CHD7: variants seen among roughly 807,000 people sequenced by gnomAD.
The protein encoded by CHD7 is ATP-dependent chromatin remodeler CHD7.
CHD7 carries 24 observed loss-of-function variants against 307.3 expected under a neutral mutation model. The observed-to-expected ratio is 0.08, with a 90% CI of 0.06 to 0.11. CHD7 has a LOEUF of 0.11. Ranked by LOEUF, CHD7 falls within the 10% of genes least tolerant of loss-of-function variation. The pLI is 1.00. For missense variants in CHD7, 3,106 were observed against 3,727.1 expected (o/e 0.83, Z 4.34); for synonymous variants, 1,363 against 1,349.9 (o/e 1.01, Z -0.21).
At position 60,781,338 on chromosome 8, in the gene CHD7, C is replaced by T; in HGVS notation, c.2004C>T (p.Pro668=). The T allele has an allele frequency of 6.4e-7, 1 of 1,570,946 alleles. No individual in the cohort carries two copies. The highest frequency in any genetic ancestry group is 1.2e-5 in the South Asian group (1 of 83,722). ...EPKEKKEPKE[P]KTPKAPKIPK... is the part of the protein sequence containing the mutation. Reference sequence around the variant, plus strand: ...AGGAGAAAAAAGAGCCCAAGGAACCCAAGACCCCGAAAGCCCCTAAGATTC... The same window carrying T: ...AGGAGAAAAAAGAGCCCAAGGAACCTAAGACCCCGAAAGCCCCTAAGATTC... Residue 668 remains proline, a synonymous_variant, in exon 3 of 38, where the codon CCC becomes CCT. Coordinates refer to ENST00000423902, the MANE Select transcript of CHD7 (RefSeq NM_017780.4).
Position 60,781,103 on chromosome 8 carries a change from T to C in CHD7, c.1769T>C (p.Ile590Thr), listed in dbSNP as rs568525349. The C allele has an allele frequency of 3.7e-6, 6 of 1,610,702 alleles. No homozygotes were observed. The African/African-American group carries it at 4.0e-5, about 11-fold the overall frequency. ...AAGAGTGATGATTACCTGCCATCAA[T>C]AGAACAGCAGCCACAACAAAAGAAG... is the stretch of plus-strand genomic sequence containing the variant. ...LVKSDDYLPS[I>T]EQQPQQKKKK... is the part of the protein sequence containing the mutation. The change falls in exon 3 of 38, where the codon ATA becomes ACA. Residue 590 changes from isoleucine (I) to threonine (T), a missense_variant. By Grantham distance (89) the Ile-to-Thr change is moderately conservative. Transcript: ENST00000423902.
intron 15 of CHD7, among the ~76,000 whole-genome samples, chr8:60,835,288 C>T (rs548356458): frequency 2.0e-5 from 3 of 152,308 alleles, no homozygotes; most frequent in African/African-American, 7.2e-5. Context: ...TTCTTGAGGC[C>T]TCTTTCCAAT....
intron 1 of CHD7, among the ~76,000 whole-genome samples, chr8:60,714,913 G>T (rs918642115): frequency 6.6e-6 from 1 of 152,246 alleles, no homozygotes; most frequent in African/African-American, 2.4e-5. Context: ...CTGAATGAAT[G>T]AATGAATGCG....
Position 60,865,813 on chromosome 8 carries a change from C to G in CHD7, c.8874C>G (p.Ala2958=). The G allele has an allele frequency of 3.1e-6, 5 of 1,613,868 alleles. No individual in the cohort carries two copies. The highest frequency in any genetic ancestry group is 4.2e-6 in the Non-Finnish European group (5 of 1,179,846). Residue 2958 remains alanine (A), a synonymous_variant, in exon 38 of 38, where the codon GCC becomes GCG. Transcript: ENST00000423902. The surrounding 1 kb of genome is among the most constrained non-coding windows in gnomAD (Gnocchi z 4.3). Reference sequence around the variant, plus strand: ...GAGAGACCCTTGAAGGCAGCGATGCCGAGGAGAGCCTGGATAAGACTGCAG... The same window carrying G: ...GAGAGACCCTTGAAGGCAGCGATGCGGAGGAGAGCCTGGATAAGACTGCAG... ...KDGETLEGSD[A]EESLDKTAES...
At chr8:60,701,101 T>G (rs952735256) in intron 1 of CHD7, among the ~76,000 whole-genome samples, 2 of 152,246 alleles carry the variant, frequency 1.3e-5, no homozygotes, top group Non-Finnish European at 2.9e-5. Flanking sequence ...AGCAACAATC[T>G]GACCAACTCA....
chr8:60,839,559 A>G (rs1472442312), intron 19 of CHD7, among the ~76,000 whole-genome samples: 1 of 152,232 alleles, frequency 6.6e-6, no homozygotes, highest in Non-Finnish European at 1.5e-5. Context: ...AGTAAGAAGT[A>G]TAGATGAGGA....
rs568849751 is a variant in CHD7 at position 60,696,346 on chromosome 8, A to G, written c.-175+17264A>G. Among the ~76,000 whole-genome samples, 6 of 152,324 alleles carry G rather than the reference A, an allele frequency of 3.9e-5. No individual in the cohort carries two copies. The South Asian group carries it at 1.2e-3, about 32-fold the overall frequency. On this transcript the variant is annotated intron_variant, in intron 1 of 37. Coordinates refer to ENST00000423902, the MANE Select transcript of CHD7 (RefSeq NM_017780.4). The stretch of plus-strand genomic sequence containing the variant: ...ATTAAAAGCTACAATTCCACAGTTA[A>G]ACAGATGTGGTTTGAATCTGCCTGA...
intron 27 of CHD7, 75 bp from the exon 28 acceptor site, chr8:60,851,187 T>G: frequency 6.7e-7 from 1 of 1,483,154 alleles, no homozygotes; most frequent in Non-Finnish European, 9.2e-7. Context: ...TTATAGATAA[T>G]GACCTTTTCT....
intron 6 of CHD7, among the ~76,000 whole-genome samples, chr8:60,806,194 C>G (rs1387631180): frequency 1.3e-5 from 2 of 152,094 alleles, no homozygotes; most frequent in African/African-American, 4.8e-5. Context: ...AACCCCGTCT[C>G]TACTAAAAAT....
At chr8:60,743,313 C>CT (rs1809152736) in intron 2 of CHD7, among the ~76,000 whole-genome samples, 1 of 152,224 alleles carries the variant, frequency 6.6e-6, no homozygotes, top group South Asian at 2.1e-4. Context: ...ATAACTAAGA[C>CT]TGGGTCCCTG....
chr8:60,683,880 C>T (rs1391922554), intron 1 of CHD7, among the ~76,000 whole-genome samples: 1 of 150,734 alleles, frequency 6.6e-6, no homozygotes, highest in East Asian at 2.0e-4. Context: ...TGTTCCTAAA[C>T]CAACAATAAT....
intron 1 of CHD7, among the ~76,000 whole-genome samples, chr8:60,684,828 CAG>C (rs902052624): frequency 6.6e-6 from 1 of 152,186 alleles, no homozygotes; most frequent in African/African-American, 2.4e-5. Context: ...TTGGTGGGTG[CAG>C]AGAGGACAAT....
intron 2 of CHD7, among the ~76,000 whole-genome samples, chr8:60,757,201 G>C (rs1277580861): frequency 6.6e-6 from 1 of 152,158 alleles, no homozygotes; most frequent in African/African-American, 2.4e-5. Context: ...CTTCTTTTTG[G>C]TGTCCAGTAT....
intron 1 of CHD7, among the ~76,000 whole-genome samples, chr8:60,713,318 G>A (rs901897152): frequency 6.6e-6 from 1 of 151,952 alleles, no homozygotes; most frequent in African/African-American, 2.4e-5. Context: ...TCGCCATATT[G>A]GCCAGGCTGT....
At chr8:60,838,650 A>G (rs1220976264) in intron 19 of CHD7, among the ~76,000 whole-genome samples, 2 of 152,186 alleles carry the variant, frequency 1.3e-5, no homozygotes, top group African/African-American at 2.4e-5. Context: ...TTTCTTCTTT[A>G]GCTAAATCTC....
Position 60,795,008 on chromosome 8 carries a change from G to T in CHD7, c.2119G>T (p.Ala707Ser). ...KSSNKKPDSE[A>S]SALKKKVNKG... is the part of the protein sequence containing the mutation. ...TAGTAATAAGAAACCTGACTCAGAA[G>T]CAAGTGCTTTGAAGAAAAAGGTCAA... is the stretch of plus-strand genomic sequence containing the variant. The change falls in exon 4 of 38, where the codon GCA becomes TCA. Residue 707 changes from alanine to serine, a missense_variant. Around this residue, in one of 10 missense-constraint regions of CHD7, gnomAD observed 998 missense variants for 1,004.5 expected, o/e 0.99. Transcript: ENST00000423902. 1.2e-6 allele frequency: 2 copies of T among 1,613,564 alleles called. No homozygotes were observed. Among genetic ancestry groups the T allele is most frequent in the Non-Finnish European group, 8.5e-7 (1 of 1,179,720 alleles).
Position 60,741,411 on chromosome 8 carries a change from A to T in CHD7, c.-22A>T. On this transcript the variant is annotated 5_prime_UTR_variant, in exon 2 of 38. Transcript: ENST00000423902. Reference sequence around the variant, plus strand: ...GGCAAGCTCCTGAGCTGTGGTTTGGAGGAGCCGTGTGTTGGAAGAAGATGG... The same window carrying T: ...GGCAAGCTCCTGAGCTGTGGTTTGGTGGAGCCGTGTGTTGGAAGAAGATGG... 6.4e-7 allele frequency: 1 copy of T among 1,565,650 alleles called. No homozygotes were observed. The highest frequency in any genetic ancestry group is 8.7e-7 in the Non-Finnish European group (1 of 1,151,100).
At chr8:60,773,363 C>G (rs145881721) in intron 2 of CHD7, among the ~76,000 whole-genome samples, 68 of 152,310 alleles carry the variant, frequency 4.5e-4, no homozygotes, top group Admixed American at 1.7e-3. Flanking sequence ...CTGGCATACC[C>G]TTTTTAGAAG....
At chr8:60,738,672 AGT>A (rs1586242399) in intron 1 of CHD7, among the ~76,000 whole-genome samples, 1 of 152,306 alleles carries the variant, frequency 6.6e-6, no homozygotes, top group East Asian at 1.9e-4. Context: ...TTCCTGGCAT[AGT>A]TGCCAGCTGG....
Sources: allele counts gnomAD v4.1 joint callset (sites outside exome capture counted in the v4.1 genomes callset), GRCh38; gene constraint gnomAD v4.1.1; regional missense constraint gnomAD v4.1.1; non-coding constraint Gnocchi (gnomAD v3.1); transcripts MANE v1.5; gene names NCBI Gene and HGNC (gene_info 2026-07-23, HGNC 2026-07-21).